SH3GL2: variants seen among roughly 807,000 people sequenced by gnomAD.
The protein encoded by SH3GL2 is endophilin-A1.
Under a neutral mutation model 46.0 loss-of-function variants are expected in SH3GL2, and 24 were observed. The ratio of observed to expected loss-of-function variants is 0.52; its 90% CI spans 0.38 to 0.73. SH3GL2 has a LOEUF of 0.73. SH3GL2 is among the 30% of genes least tolerant of loss of function. SH3GL2 has a pLI of 0.00. For synonymous variants in SH3GL2, 196 were observed against 147.1 expected, an observed-to-expected ratio of 1.33 and a Z score of -2.40; for missense variants, 413 against 424.2, an observed-to-expected ratio of 0.97 and a Z score of 0.23.
intron 1 of SH3GL2, among the ~76,000 whole-genome samples, chr9:17,645,717 C>T (rs565795135): frequency 2.0e-5 from 3 of 152,102 alleles, no homozygotes; most frequent in African/African-American, 7.2e-5. Context: ...TCTTCTGGCT[C>T]CTAGGGTTTC....
chr9:17,748,398 A>G (rs990172211), intron 2 of SH3GL2, among the ~76,000 whole-genome samples: 3 of 152,152 alleles, frequency 2.0e-5, no homozygotes, highest in Admixed American at 2.0e-4. Flanking sequence ...TAACAAAGCA[A>G]TTTTTTAATA....
chr9:17,793,540 T>A, intron 8 of SH3GL2, 43 bp downstream of exon 8: 1 of 1,594,852 alleles, frequency 6.3e-7, no homozygotes, highest in Non-Finnish European at 8.5e-7. Flanking sequence ...GCCCTTGGCA[T>A]ATCCATTGGC....
intron 1 of SH3GL2, among the ~76,000 whole-genome samples, chr9:17,660,378 C>G (rs1484834470): frequency 1.3e-5 from 2 of 152,178 alleles, no homozygotes; most frequent in African/African-American, 2.4e-5. Flanking sequence ...CACAGAACTG[C>G]TGCTGCCTAC....
rs902883884 is a variant in SH3GL2, at chr9:17,784,031, AAC to A, written c.188-2346_188-2345del. On this transcript the variant is annotated intron_variant, in intron 3 of 8. Coordinates refer to ENST00000380607, the MANE Select transcript of SH3GL2 (RefSeq NM_003026.5). ...TTGGAGGTCTGATGATATTTTTAAT[AAC>A]ACAGAAGTTTCATTAACCCAAGATT... Among the ~76,000 whole-genome samples, 18 of 152,308 alleles carry A rather than the reference AAC, an allele frequency of 1.2e-4. No homozygotes were observed. The East Asian group carries it at 1.4e-3, about 11-fold the overall frequency.
intron 1 of SH3GL2, among the ~76,000 whole-genome samples, chr9:17,694,688 C>G (rs1441485905): frequency 1.3e-5 from 2 of 152,068 alleles, no homozygotes; most frequent in Non-Finnish European, 1.5e-5. Context: ...ATATTCACCT[C>G]TAAATAAAGT....
intron 1 of SH3GL2, among the ~76,000 whole-genome samples, chr9:17,720,433 A>G (rs1267353018): frequency 6.6e-6 from 1 of 152,112 alleles, no homozygotes; most frequent in Non-Finnish European, 1.5e-5. Flanking sequence ...AGATTTATGA[A>G]CAGAAAAGGG....
chr9:17,721,041 A>C (rs1821882632), intron 1 of SH3GL2, among the ~76,000 whole-genome samples: 1 of 152,078 alleles, frequency 6.6e-6, no homozygotes, highest in Non-Finnish European at 1.5e-5. Context: ...GTTTCAGGCC[A>C]CATCTGCTCT....
At chr9:17,744,567 A>C (rs61059053) in intron 1 of SH3GL2, among the ~76,000 whole-genome samples, 1 of 151,992 alleles carries the variant, frequency 6.6e-6, no homozygotes, top group Non-Finnish European at 1.5e-5. Context: ...GAGTCTTACT[A>C]CGTTGCCCAG....
chr9:17,656,318 A>G (rs984238407), intron 1 of SH3GL2, among the ~76,000 whole-genome samples: 69 of 152,140 alleles, frequency 4.5e-4, no homozygotes, highest in Non-Finnish European at 1.0e-4. Flanking sequence ...TCTTCAGAAG[A>G]TTAACCAACT....
At chr9:17,728,093 G>T (rs1396815460) in intron 1 of SH3GL2, among the ~76,000 whole-genome samples, 1 of 152,104 alleles carries the variant, frequency 6.6e-6, no homozygotes, top group Non-Finnish European at 1.5e-5. Context: ...CAAAATGTTT[G>T]CTTTTTAAAA....
intron 1 of SH3GL2, among the ~76,000 whole-genome samples, chr9:17,727,346 A>G (rs990104984): frequency 6.6e-6 from 1 of 152,196 alleles, no homozygotes; most frequent in African/African-American, 2.4e-5. Flanking sequence ...ACAAGCTAAG[A>G]ATGACGTTTA....
At chr9:17,747,017 T>C in intron 1 of SH3GL2, 49 bp from the exon 2 acceptor site, 1 of 1,287,076 alleles carries the variant, frequency 7.8e-7, no homozygotes, top group Non-Finnish European at 1.1e-6. Flanking sequence ...TAACACATTT[T>C]TTAAAGAAAC....
chr9:17,618,793 T>TTGTGTGTGTGTGTGTGTGTGTG (rs149930816), intron 1 of SH3GL2, among the ~76,000 whole-genome samples: 6 of 149,484 alleles, frequency 4.0e-5, no homozygotes, highest in African/African-American at 1.2e-4. Context: ...TTGGCTTATT[T>TTGTGTGTGTGTGTGTGTGTGTG]TGTGTGTGTG....
chr9:17,737,935 C>T (rs968066576), intron 1 of SH3GL2, among the ~76,000 whole-genome samples: 3 of 152,230 alleles, frequency 2.0e-5, no homozygotes, highest in Non-Finnish European at 2.9e-5. Context: ...GGCTTACTTA[C>T]TCCTTTCAGA....
intron 1 of SH3GL2, among the ~76,000 whole-genome samples, chr9:17,658,457 G>T (rs1251899573): frequency 1.3e-5 from 2 of 152,200 alleles, no homozygotes; most frequent in African/African-American, 4.8e-5. Context: ...CATTGGACTT[G>T]TGGAAGAAAA....
intron 1 of SH3GL2, among the ~76,000 whole-genome samples, chr9:17,730,884 G>C (rs565337896): frequency 1.1e-4 from 16 of 152,222 alleles, no homozygotes; most frequent in African/African-American, 3.4e-4. Flanking sequence ...AATATGCTGT[G>C]TAAGGAGAGG....
intron 1 of SH3GL2, among the ~76,000 whole-genome samples, chr9:17,689,077 G>T (rs1821001300): frequency 6.6e-6 from 1 of 152,052 alleles, no homozygotes; most frequent in Non-Finnish European, 1.5e-5. Flanking sequence ...AAATCATGTT[G>T]ATAGTGTGTT....
intron 1 of SH3GL2, among the ~76,000 whole-genome samples, chr9:17,638,228 G>T (rs1819591324): frequency 6.6e-6 from 1 of 151,896 alleles, no homozygotes; most frequent in Non-Finnish European, 1.5e-5. Context: ...TCCTAGAGGG[G>T]CCCTTAAAAA....
intron 1 of SH3GL2, among the ~76,000 whole-genome samples, chr9:17,634,368 A>G (rs747901475): frequency 3.9e-5 from 6 of 152,178 alleles, no homozygotes; most frequent in Non-Finnish European, 5.9e-5. Context: ...GACTAGAAAT[A>G]ACCCAAACTC....
Sources: gnomAD v4.1 joint callset for allele counts (sites outside exome capture counted in the v4.1 genomes callset) on GRCh38, gnomAD v4.1.1 for gene constraint, MANE v1.5 for transcripts, NCBI Gene and HGNC (gene_info 2026-07-23, HGNC 2026-07-21) for gene names.